Variants in GPAT4 observed in about 807,000 individuals in gnomAD.
GPAT4 encodes the protein glycerol-3-phosphate acyltransferase 4, also known as 1-AGP acyltransferase 6.
In GPAT4, 17 loss-of-function variants were observed where a neutral mutation model predicts 58.0. The ratio of observed to expected loss-of-function variants is 0.29; its 90% CI spans 0.20 to 0.44. The LOEUF (loss-of-function observed/expected upper bound fraction) is 0.44. GPAT4 is among the 20% of genes least tolerant of loss of function. The pLI, the probability that GPAT4 is intolerant of heterozygous loss-of-function variation, is 1.00. For synonymous variants in GPAT4, 204 were observed against 210.1 expected (o/e 0.97, Z 0.25); for missense variants, 377 against 574.5 (o/e 0.66, Z 3.51).
At chr8:41,607,049 T>A (rs944693466) in intron 2 of GPAT4, among the ~76,000 whole-genome samples, 7 of 152,210 alleles carry the variant, frequency 4.6e-5, no homozygotes, top group Non-Finnish European at 1.5e-5. Context: ...AGAAGTATAT[T>A]TCAGGATGAA....
Position 41,599,113 on chromosome 8 carries a change from G to T in GPAT4, c.-27G>T, listed in dbSNP as rs1355551065. 1 of 1,596,256 alleles carries T rather than the reference G, an allele frequency of 6.3e-7. No individual in the cohort carries two copies. The highest frequency in any genetic ancestry group is 8.5e-7 in the Non-Finnish European group (1 of 1,173,726). ...CTGCAATTTGTTCTTAGGGAGGCAG[G>T]TGCTGGCCTGGCCTGGATCTTCCAC... On this transcript the variant is annotated 5_prime_UTR_variant, in exon 2 of 13. Transcript: ENST00000396987.
At chr8:41,618,130 CTT>C (rs1803646590) in intron 10 of GPAT4, among the ~76,000 whole-genome samples, 1 of 152,204 alleles carries the variant, frequency 6.6e-6, no homozygotes, top group Admixed American at 6.5e-5. Context: ...AGACGACTGA[CTT>C]TGTTGGAAGT....
At position 41,599,216 on chromosome 8, in the gene GPAT4, T is replaced by A; in HGVS notation, c.77T>A (p.Leu26His). Residue 26 changes from leucine (L) to histidine (H), a missense_variant, in exon 2 of 13, where the codon CTT becomes CAT. Leu to His is a moderately conservative substitution (Grantham distance 99). Coordinates refer to ENST00000396987, the MANE Select transcript of GPAT4 (RefSeq NM_178819.4). ...GISLTVLFTL[L>H]LVFIIVPAIF... ...TCCCTGACTGTCCTCTTCACCCTCC[T>A]TCTCGTTTTCATCATAGTGCCAGCC... 6.2e-7 allele frequency: 1 copy of A among 1,614,146 alleles called. No homozygotes were observed. The highest frequency in any genetic ancestry group is 8.5e-7 in the Non-Finnish European group (1 of 1,180,010).
rs751164953 is a variant in GPAT4, at chr8:41,612,911, G to A, written c.862G>A (p.Val288Ile). ...AGCCATGGTGAAGGCCTGCCCACAC[G>A]TCTGGTTTGAGCGCTCGGAAGTGAA... is the stretch of plus-strand genomic sequence containing the variant. ...QRAMVKACPHVWFERSEVKDR... is the reference protein window; with the variant it reads ...QRAMVKACPHIWFERSEVKDR... Residue 288 changes from valine (V) to isoleucine (I), a missense_variant, in exon 8 of 13, where the codon GTC (valine) becomes ATC (isoleucine). Transcript: ENST00000396987. 24 of 1,614,026 alleles carry A rather than the reference G, an allele frequency of 1.5e-5. No individual in the cohort carries two copies. The Admixed American group carries it at 1.7e-4, about 11-fold the overall frequency.
intron 1 of GPAT4, among the ~76,000 whole-genome samples, chr8:41,582,444 TACAC>T (rs71548104): frequency 0.026 from 3,630 of 141,684 alleles, 51 homozygotes; most frequent in Admixed American, 0.032. Context: ...TGGGAAAGTA[TACAC>T]ACACACACAC....
Position 41,609,494 on chromosome 8 carries a change from G to T in GPAT4, c.235+9G>T. The T allele has an allele frequency of 6.2e-7, 1 of 1,614,024 alleles. No homozygotes were observed. The highest frequency in any genetic ancestry group is 8.5e-7 in the Non-Finnish European group (1 of 1,179,878). ...CAAGCCCTACACCAACGGTAAGATG[G>T]GGGTGTGATCCTTGTCCTGAGAGGT... On this transcript the variant is annotated intron_variant, in intron 3 of 12. Coordinates refer to ENST00000396987, the MANE Select transcript of GPAT4 (RefSeq NM_178819.4).
At chr8:41,614,337 G>A (rs369041726) in intron 8 of GPAT4, 49 bp from the exon 9 acceptor site, 36 of 1,469,414 alleles carry the variant, frequency 2.4e-5, no homozygotes, top group Admixed American at 7.6e-5. Flanking sequence ...ATATTTTGAC[G>A]ATGTGTATAA....
intron 1 of GPAT4, among the ~76,000 whole-genome samples, chr8:41,581,993 ATTTTTTTTTTTTTTTTTT>A (rs71230849): frequency 4.7e-5 from 3 of 63,610 alleles, no homozygotes; most frequent in Admixed American, 5.4e-4. Context: ...AAGTTCAATG[ATTTTTTTTTTTTTTTTTT>A]TTTTTTTTTT....
intron 10 of GPAT4, among the ~76,000 whole-genome samples, chr8:41,615,307 G>A (rs1803564644): frequency 6.6e-6 from 1 of 152,218 alleles, no homozygotes; most frequent in South Asian, 2.1e-4. Context: ...CCACCATTCG[G>A]GAAATGGCAA....
intron 1 of GPAT4, among the ~76,000 whole-genome samples, chr8:41,594,126 A>C (rs1802860980): frequency 6.6e-6 from 1 of 152,180 alleles, no homozygotes; most frequent in African/African-American, 2.4e-5. Flanking sequence ...AACCTTTTAT[A>C]ATTTTTTGTT....
intron 1 of GPAT4, chr8:41,578,715 T>A (rs776356233): frequency 7.9e-5 from 12 of 152,314 alleles, no homozygotes; most frequent in Non-Finnish European, 1.5e-4. Context: ...TGCATGTCTT[T>A]ACCCTCTCCT....
chr8:41,614,347 A>G, intron 8 of GPAT4, 39 bp from the exon 9 acceptor site: 1 of 1,561,838 alleles, frequency 6.4e-7, no homozygotes, highest in Non-Finnish European at 8.8e-7. Flanking sequence ...GATGTGTATA[A>G]GGTTGTCTGA....
At chr8:41,600,840 G>A (rs921273349) in intron 2 of GPAT4, among the ~76,000 whole-genome samples, 8 of 152,118 alleles carry the variant, frequency 5.3e-5, no homozygotes, top group African/African-American at 1.9e-4. Context: ...CATGTGAATG[G>A]AATCATACCA....
Position 41,609,928 on chromosome 8 carries a change from T to A in GPAT4, c.509T>A (p.Ile170Asn). 6.2e-7 allele frequency: 1 copy of A among 1,611,518 alleles called. No individual in the cohort carries two copies. The highest frequency in any genetic ancestry group is 8.5e-7 in the Non-Finnish European group (1 of 1,178,248). The change falls in exon 4 of 13, where the codon ATT becomes AAT. Residue 170 changes from isoleucine to asparagine, a missense_variant. Physicochemically the swap from Ile to Asn is moderately radical, Grantham distance 149. Coordinates refer to ENST00000396987, the MANE Select transcript of GPAT4 (RefSeq NM_178819.4). ...GTCCTGTGGGGGTTAGGAGTGCTGA[T>A]TCGGTACTGCTTTCTGCTGCCGCTC... ...LTVLWGLGVL[I>N]RYCFLLPLRI...
intron 2 of GPAT4, among the ~76,000 whole-genome samples, chr8:41,606,501 C>T (rs1169767635): frequency 6.6e-6 from 1 of 152,012 alleles, no homozygotes; most frequent in Non-Finnish European, 1.5e-5. Context: ...TTTGTAGGGG[C>T]CAAGGGAAAG....
At chr8:41,614,551 C>A in intron 9 of GPAT4, 110 bp downstream of exon 9, 2 of 1,097,258 alleles carry the variant, frequency 1.8e-6, no homozygotes, top group Non-Finnish European at 2.7e-6. Context: ...TATCTGTTTT[C>A]ACTGAATAAT....
At position 41,622,983 on chromosome 8, in the gene GPAT4, C is replaced by CT. The variant is rs1358646081; in HGVS notation, c.*1985dup. On this transcript the variant is annotated 3_prime_UTR_variant, in exon 13 of 13. Transcript: ENST00000396987. Reference sequence around the variant, plus strand: ...TCTCTTTTAAAAAGTTCATCTGAAACTTTATGGTTTGTTACTTTCGTGATT... The same window carrying CT: ...TCTCTTTTAAAAAGTTCATCTGAAACTTTTATGGTTTGTTACTTTCGTGATT... 6.6e-6 allele frequency: 1 copy of CT among 152,142 alleles called. No individual in the cohort carries two copies. The highest frequency in any genetic ancestry group is 1.9e-4 in the East Asian group (1 of 5,194). 9.4% of individuals were successfully genotyped at this position (152,142 alleles called of 1,614,324 possible). A position where few individuals can be genotyped will look rare whatever the true frequency, so the allele number is the denominator to read the frequency against.
At chr8:41,614,341 T>C in intron 8 of GPAT4, 45 bp from the exon 9 acceptor site, 1 of 1,491,506 alleles carries the variant, frequency 6.7e-7, no homozygotes, top group Non-Finnish European at 9.2e-7. Flanking sequence ...TTTGACGATG[T>C]GTATAAGGTT....
At chr8:41,590,832 A>T (rs1351895681) in intron 1 of GPAT4, among the ~76,000 whole-genome samples, 1 of 152,216 alleles carries the variant, frequency 6.6e-6, no homozygotes, top group African/African-American at 2.4e-5. Flanking sequence ...CTGGGTCTGC[A>T]GCTACCTCTC....
Sources: allele counts gnomAD v4.1 joint callset (sites outside exome capture counted in the v4.1 genomes callset), GRCh38; gene constraint gnomAD v4.1.1; transcripts MANE v1.5; gene names NCBI Gene and HGNC (gene_info 2026-07-23, HGNC 2026-07-21).